RAD51B: variants seen among roughly 807,000 people sequenced by gnomAD.
RAD51B encodes DNA repair protein RAD51 homolog 2.
A neutral mutation model predicts 42.2 loss-of-function variants in RAD51B; 38 were observed. The observed-to-expected ratio is 0.90, with a 90% CI of 0.70 to 1.18. The LOEUF is 1.18. RAD51B is among the 50% of genes most tolerant of loss of function. The pLI is 0.00. For synonymous variants in RAD51B, 154 were observed against 145.2 expected (o/e 1.06, Z -0.43); for missense variants, 373 against 400.7 (o/e 0.93, Z 0.59).
chr14:68,262,563 C>A (rs1023527915), intron 7 of RAD51B, among the ~76,000 whole-genome samples: 14 of 152,138 alleles, frequency 9.2e-5, no homozygotes, highest in African/African-American at 3.1e-4. Context: ...GCCCCCTGAC[C>A]CAGTTTGTTT....
chr14:67,941,761 A>G (rs35288178), intron 7 of RAD51B, among the ~76,000 whole-genome samples: 4,040 of 152,338 alleles, frequency 0.027, 181 homozygotes, highest in African/African-American at 0.092. Context: ...TAAAGTGGAA[A>G]AAGTGGGAAA....
At chr14:67,825,651 G>A in intron 3 of RAD51B, 74 bp downstream of exon 3, 3 of 1,104,348 alleles carry the variant, frequency 2.7e-6, no homozygotes, top group South Asian at 1.7e-5. Context: ...TTAGGGATGA[G>A]GCACATGCAG....
chr14:68,654,028 G>A (rs1168065710), intron 11 of RAD51B, among the ~76,000 whole-genome samples: 1 of 152,226 alleles, frequency 6.6e-6, no homozygotes, highest in African/African-American at 2.4e-5. Flanking sequence ...AAAGCAAGAA[G>A]GTTTGTAAGC....
Position 68,426,734 on chromosome 14 carries a change from G to A in RAD51B, c.957+15207G>A, listed in dbSNP as rs141581195. Among the ~76,000 whole-genome samples the A allele has an allele frequency of 6.0e-4, 91 of 152,302 alleles. 1 individual carries two copies. Among genetic ancestry groups the A allele is most frequent in the Middle Eastern group, 3.4e-3 (1 of 294 alleles). Reference sequence around the variant, plus strand: ...TTCTGGAGAGGAAATGTGTGGCTAAGCAACCATTTGATAAGGAGATTAGTA... The same window carrying A: ...TTCTGGAGAGGAAATGTGTGGCTAAACAACCATTTGATAAGGAGATTAGTA... On this transcript the variant is annotated intron_variant, in intron 9 of 10. Coordinates refer to ENST00000471583, the MANE Select transcript of RAD51B (RefSeq NM_133510.4).
At chr14:68,176,953 T>C (rs754088494) in intron 7 of RAD51B, among the ~76,000 whole-genome samples, 23 of 152,188 alleles carry the variant, frequency 1.5e-4, no homozygotes, top group Admixed American at 3.3e-4. Flanking sequence ...ACTAGAGATC[T>C]GCTCTAAATC....
chr14:68,226,335 C>T (rs17105211), intron 7 of RAD51B, among the ~76,000 whole-genome samples: 2,927 of 152,274 alleles, frequency 0.019, 98 homozygotes, highest in African/African-American at 0.067. Flanking sequence ...CCCGGGCCAG[C>T]CACGGAGCAA....
chr14:68,260,298 C>CGTGTGTGTGTGTGT (rs71281749), intron 7 of RAD51B, among the ~76,000 whole-genome samples: 2,903 of 96,654 alleles, frequency 0.03, 225 homozygotes, highest in Middle Eastern at 0.045. Flanking sequence ...GCTGAGAGAC[C>CGTGTGTGTGTGTGT]GTGTGTGTGT....
chr14:68,563,453 CAG>C, intron 10 of RAD51B: 3 of 985,426 alleles, frequency 3.0e-6, no homozygotes, highest in Non-Finnish European at 3.6e-6. Context: ...GACAAGGTAA[CAG>C]AGTACACATG....
intron 10 of RAD51B, among the ~76,000 whole-genome samples, chr14:68,570,889 A>ACACG (rs1555427603): frequency 1.5e-5 from 2 of 137,854 alleles, no homozygotes; most frequent in African/African-American, 5.2e-5. Flanking sequence ...ACACACACAC[A>ACACG]CACACACATG....
chr14:68,171,206 G>A (rs1667469192), intron 7 of RAD51B, among the ~76,000 whole-genome samples: 2 of 152,170 alleles, frequency 1.3e-5, no homozygotes, highest in South Asian at 2.1e-4. Flanking sequence ...TAACTTTAGA[G>A]CCTGACAGAA....
chr14:68,308,761 A>G (rs2081916272), intron 8 of RAD51B, among the ~76,000 whole-genome samples: 1 of 150,234 alleles, frequency 6.7e-6, no homozygotes, highest in African/African-American at 2.5e-5. Flanking sequence ...ACCCGTAGGC[A>G]TTTTCTTCTT....
chr14:68,278,513 G>A (rs753210622), intron 7 of RAD51B, among the ~76,000 whole-genome samples: 61 of 152,268 alleles, frequency 4.0e-4, no homozygotes, highest in Admixed American at 6.5e-4. Context: ...AGTTTTCTTT[G>A]TCTAGACTAT....
intron 8 of RAD51B, among the ~76,000 whole-genome samples, chr14:68,368,477 T>G (rs752477004): frequency 9.2e-5 from 14 of 152,328 alleles, no homozygotes; most frequent in Non-Finnish European, 1.8e-4. Flanking sequence ...GTAAATATGT[T>G]TCATTCTTTC....
intron 10 of RAD51B, among the ~76,000 whole-genome samples, chr14:68,607,652 ATCT>A (rs59438306): frequency 0.3 from 45,124 of 151,900 alleles, 7,405 homozygotes; most frequent in East Asian, 0.59. Context: ...AATTCCATTT[ATCT>A]TCTTCTTCCC....
intron 7 of RAD51B, among the ~76,000 whole-genome samples, chr14:68,121,057 T>A (rs2140631063): frequency 6.6e-6 from 1 of 152,138 alleles, no homozygotes; most frequent in East Asian, 1.9e-4. Context: ...TATGGAGGAA[T>A]GGGTTATAGG....
At chr14:67,863,921 G>A (rs978096847) in intron 4 of RAD51B, among the ~76,000 whole-genome samples, 7 of 152,098 alleles carry the variant, frequency 4.6e-5, no homozygotes, top group Non-Finnish European at 7.4e-5. Flanking sequence ...GAGGCCTCAG[G>A]AAACTTACAG....
intron 10 of RAD51B, among the ~76,000 whole-genome samples, chr14:68,524,663 G>A (rs1468873157): frequency 6.6e-6 from 1 of 152,260 alleles, no homozygotes; most frequent in Non-Finnish European, 1.5e-5. Context: ...TCGCTGTTCA[G>A]AAGGATTCCA....
chr14:68,010,195 C>T (rs1051595052), intron 7 of RAD51B, among the ~76,000 whole-genome samples: 3 of 151,804 alleles, frequency 2.0e-5, no homozygotes, highest in Non-Finnish European at 4.4e-5. Context: ...CTAATTGGAA[C>T]CTACCTTTCC....
intron 8 of RAD51B, among the ~76,000 whole-genome samples, chr14:68,396,735 A>C (rs1374662783): frequency 6.6e-6 from 1 of 152,264 alleles, no homozygotes; most frequent in Non-Finnish European, 1.5e-5. Flanking sequence ...TTATTAAAAT[A>C]TGCTTTTCTA....
Sources: allele counts gnomAD v4.1 joint callset (sites outside exome capture counted in the v4.1 genomes callset), GRCh38; gene constraint gnomAD v4.1.1; transcripts MANE v1.5; gene names NCBI Gene and HGNC (gene_info 2026-07-23, HGNC 2026-07-21).